TDRD3: variants seen among roughly 807,000 people sequenced by gnomAD.
The protein encoded by TDRD3 is tudor domain containing 3, also known as tudor domain-containing protein 3.
TDRD3 carries 45 observed loss-of-function variants against 86.7 expected under a neutral mutation model. The observed-to-expected ratio is 0.52, with a 90% CI of 0.41 to 0.67. TDRD3 has a LOEUF of 0.67. Ranked by LOEUF, TDRD3 falls within the 30% of genes least tolerant of loss-of-function variation. TDRD3 has a pLI of 0.00. For missense variants in TDRD3, 814 were observed against 889.0 expected, an observed-to-expected ratio of 0.92 and a Z score of 1.07; for synonymous variants, 298 against 301.7, an observed-to-expected ratio of 0.99 and a Z score of 0.13.
At position 60,567,515 on chromosome 13, in the gene TDRD3, T is replaced by C; in HGVS notation, c.2119-10T>C. On this transcript the variant is annotated splice_polypyrimidine_tract_variant and intron_variant, in intron 12 of 13. Coordinates refer to ENST00000377881, the MANE Select transcript of TDRD3 (RefSeq NM_001146070.2). ...TTTGAACATGTAAAATCACTACTCT[T>C]TGCAAATAGGAGGAAGAAGGCACCT... 2 of 1,614,062 alleles carry C rather than the reference T, an allele frequency of 1.2e-6. No homozygotes were observed. Among genetic ancestry groups the C allele is most frequent in the Non-Finnish European group, 1.7e-6 (2 of 1,179,998 alleles).
chr13:60,564,522 C>A (rs1958405629), intron 12 of TDRD3, among the ~76,000 whole-genome samples: 1 of 152,072 alleles, frequency 6.6e-6, no homozygotes. Flanking sequence ...AAGAATCTTG[C>A]CTGTGAGTCA....
At chr13:60,427,288 C>A (rs1954835962) in intron 1 of TDRD3, among the ~76,000 whole-genome samples, 1 of 151,854 alleles carries the variant, frequency 6.6e-6, no homozygotes, top group African/African-American at 2.4e-5. Flanking sequence ...TTTTTTCGTT[C>A]TTTGTATGTT....
intron 5 of TDRD3, among the ~76,000 whole-genome samples, chr13:60,474,975 G>A (rs1948044739): frequency 6.6e-6 from 1 of 151,692 alleles, no homozygotes; most frequent in African/African-American, 2.4e-5. Context: ...AGTGTTTTAA[G>A]GACATCATCT....
chr13:60,505,919 A>C (rs1956926748), intron 8 of TDRD3, among the ~76,000 whole-genome samples: 1 of 152,214 alleles, frequency 6.6e-6, no homozygotes, highest in African/African-American at 2.4e-5. Flanking sequence ...GTGTACCTGA[A>C]AGTGACAGGA....
At chr13:60,545,672 A>G (rs1323008277) in intron 12 of TDRD3, among the ~76,000 whole-genome samples, 1 of 152,104 alleles carries the variant, frequency 6.6e-6, no homozygotes, top group Non-Finnish European at 1.5e-5. Context: ...CAAGGTGATC[A>G]GATAATATAA....
chr13:60,431,768 A>G (rs1351143905), intron 1 of TDRD3, among the ~76,000 whole-genome samples: 1 of 151,610 alleles, frequency 6.6e-6, no homozygotes, highest in Admixed American at 6.6e-5. Context: ...AATCATAAAA[A>G]CTAAAAACTG....
intron 7 of TDRD3, among the ~76,000 whole-genome samples, chr13:60,490,532 A>C (rs1956562979): frequency 6.6e-6 from 1 of 152,178 alleles, no homozygotes; most frequent in African/African-American, 2.4e-5. Context: ...TACTTCATTC[A>C]AGGAGAAATG....
At chr13:60,453,745 C>CCCA (rs2138021599) in intron 3 of TDRD3, among the ~76,000 whole-genome samples, 1 of 152,262 alleles carries the variant, frequency 6.6e-6, no homozygotes, top group East Asian at 1.9e-4. Flanking sequence ...TGAACAAACA[C>CCCA]CCACCCATTT....
chr13:60,399,931 CCTT>C (rs1270234026), intron 1 of TDRD3, among the ~76,000 whole-genome samples: 2 of 152,068 alleles, frequency 1.3e-5, no homozygotes, highest in Non-Finnish European at 2.9e-5. Context: ...CAGTTTTTTT[CCTT>C]CTTAAGGTTT....
chr13:60,552,972 G>A (rs911298525), intron 12 of TDRD3, among the ~76,000 whole-genome samples: 7 of 152,166 alleles, frequency 4.6e-5, no homozygotes, highest in Non-Finnish European at 8.8e-5. Flanking sequence ...CCAGGCCTTC[G>A]GGCCTGTGAT....
chr13:60,460,368 C>A lies in TDRD3; in HGVS notation c.193-12C>A, dbSNP rs765910274. On this transcript the variant is annotated splice_polypyrimidine_tract_variant and intron_variant, in intron 3 of 13. Transcript: ENST00000377881. The stretch of plus-strand genomic sequence containing the variant: ...ACTAGAAAGTGATTTTTATTCTTTT[C>A]TGTTTTGACAGCTCGAAGGTCCATG... 13 of 1,579,794 alleles carry A rather than the reference C, an allele frequency of 8.2e-6. No individual in the cohort carries two copies. The highest frequency in any genetic ancestry group is 1.2e-5 in the South Asian group (1 of 84,118).
chr13:60,515,618 C>T (rs911864248), intron 10 of TDRD3, among the ~76,000 whole-genome samples: 5 of 152,144 alleles, frequency 3.3e-5, no homozygotes, highest in African/African-American at 9.7e-5. Context: ...TAGCAGGTAT[C>T]GTTGTGTTAC....
intron 7 of TDRD3, among the ~76,000 whole-genome samples, chr13:60,487,691 T>A (rs1368368539): frequency 6.6e-6 from 1 of 152,146 alleles, no homozygotes; most frequent in Admixed American, 6.5e-5. Context: ...GGCACTTAGG[T>A]TGATTTCATA....
intron 5 of TDRD3, among the ~76,000 whole-genome samples, chr13:60,476,247 C>A (rs1342915799): frequency 6.6e-6 from 1 of 152,104 alleles, no homozygotes; most frequent in Non-Finnish European, 1.5e-5. Flanking sequence ...CAGTTTCAAT[C>A]TTCTGCATAT....
intron 3 of TDRD3, among the ~76,000 whole-genome samples, chr13:60,449,548 T>G (rs1040254596): frequency 3.9e-5 from 6 of 152,162 alleles, no homozygotes; most frequent in African/African-American, 1.4e-4. Flanking sequence ...ATACTTTCCT[T>G]GTATTCATTT....
At chr13:60,474,557 C>A (rs1956144811) in intron 5 of TDRD3, among the ~76,000 whole-genome samples, 2 of 152,204 alleles carry the variant, frequency 1.3e-5, no homozygotes, top group African/African-American at 4.8e-5. Flanking sequence ...CCCTTGACTT[C>A]TTTCTTTCTA....
intron 8 of TDRD3, among the ~76,000 whole-genome samples, chr13:60,502,534 CT>C (rs1368426759): frequency 3.3e-5 from 5 of 151,954 alleles, no homozygotes; most frequent in African/African-American, 9.7e-5. Flanking sequence ...CTATATAGGC[CT>C]TTTGGATTGT....
chr13:60,485,795 C>T lies in TDRD3; in HGVS notation c.568-4C>T. 1 of 1,574,918 alleles carries T rather than the reference C, an allele frequency of 6.3e-7. No individual in the cohort carries two copies. Among genetic ancestry groups the T allele is most frequent in the South Asian group, 1.2e-5 (1 of 83,506 alleles). On this transcript the variant is annotated splice_polypyrimidine_tract_variant and splice_region_variant and intron_variant, in intron 6 of 13. Coordinates refer to ENST00000377881, the MANE Select transcript of TDRD3 (RefSeq NM_001146070.2). The stretch of plus-strand genomic sequence containing the variant: ...AGTTGACTTATTCTTACTTGTTTTA[C>T]TAGAAGTGTGTATCTCATGTCCAAG...
At chr13:60,454,150 G>A (rs1049389409) in intron 3 of TDRD3, among the ~76,000 whole-genome samples, 1 of 152,004 alleles carries the variant, frequency 6.6e-6, no homozygotes, top group East Asian at 1.9e-4. Flanking sequence ...TTTTGGTTAC[G>A]GATTTCTAAT....
Sources: gnomAD v4.1 joint callset for allele counts (sites outside exome capture counted in the v4.1 genomes callset) on GRCh38, gnomAD v4.1.1 for gene constraint, MANE v1.5 for transcripts, NCBI Gene and HGNC (gene_info 2026-07-23, HGNC 2026-07-21) for gene names.